MID1: variants seen among roughly 807,000 people sequenced by gnomAD.
MID1 encodes the protein midline 1.
Under a neutral mutation model 40.4 loss-of-function variants are expected in MID1, and 7 were observed. That is an observed-to-expected ratio of 0.17 (90% CI 0.10 to 0.33). The LOEUF is 0.33. Among genes scored for constraint, MID1 ranks in the 10% least tolerant of loss-of-function variants. The pLI is 1.00. For synonymous variants in MID1, 229 were observed against 221.2 expected (o/e 1.04, Z -0.31); for missense variants, 367 against 558.5 (o/e 0.66, Z 3.46).
chrX:10,551,654 C>A (rs920335207), intron 2 of MID1, among the ~76,000 whole-genome samples: 2 of 111,868 alleles, frequency 1.8e-5, no homozygotes, highest in African/African-American at 6.5e-5. Flanking sequence ...TACCTTGTAG[C>A]TTTTCAGAAT....
intron 1 of MID1, among the ~76,000 whole-genome samples, chrX:10,576,135 TTA>T (rs1934865950): frequency 9.0e-6 from 1 of 111,092 alleles, no homozygotes; most frequent in African/African-American, 3.3e-5. Context: ...ATTATTATTA[TTA>T]TTTTTTTACC....
intron 1 of MID1, among the ~76,000 whole-genome samples, chrX:10,826,141 C>T (rs1302821354): frequency 9.0e-6 from 1 of 111,093 alleles, no homozygotes. Context: ...GGCCAACTTT[C>T]ATTGTCCCCT....
At chrX:10,780,488 A>G (rs1268476293) in intron 1 of MID1, among the ~76,000 whole-genome samples, 1 of 112,244 alleles carries the variant, frequency 8.9e-6, no homozygotes, top group Non-Finnish European at 1.9e-5. Context: ...AGGCAGCATC[A>G]GAAAGAAGTA....
At chrX:10,805,550 T>C (rs760993075) in intron 1 of MID1, among the ~76,000 whole-genome samples, 2 of 99,104 alleles carry the variant, frequency 2.0e-5, no homozygotes, top group East Asian at 6.3e-4. Flanking sequence ...TGTGTCTTTA[T>C]AGCAGCATGA....
intron 1 of MID1, among the ~76,000 whole-genome samples, chrX:10,685,999 C>T (rs1035287709): frequency 4.5e-5 from 5 of 110,425 alleles, no homozygotes; most frequent in African/African-American, 1.7e-4. Flanking sequence ...GGTTTCTATC[C>T]AGTGGACCAG....
At chrX:10,523,655 T>G (rs776845682) in intron 2 of MID1, among the ~76,000 whole-genome samples, 23 of 112,307 alleles carry the variant, frequency 2.0e-4, no homozygotes, top group Non-Finnish European at 3.4e-4. Flanking sequence ...TTGCTGACAA[T>G]AAGGTCATTT....
chrX:10,825,297 C>A (rs1377969600), intron 1 of MID1, among the ~76,000 whole-genome samples: 1 of 111,861 alleles, frequency 8.9e-6, no homozygotes, highest in Non-Finnish European at 1.9e-5. Flanking sequence ...CCTCCTCCCC[C>A]TCACCTGCCC....
At chrX:10,611,527 T>C (rs1282898875) in intron 1 of MID1, among the ~76,000 whole-genome samples, 1 of 111,359 alleles carries the variant, frequency 9.0e-6, no homozygotes, top group East Asian at 2.8e-4. Flanking sequence ...TATTCAACTA[T>C]GGCAGTTCTA....
At chrX:10,509,459 G>C (rs1932005241) in intron 3 of MID1, among the ~76,000 whole-genome samples, 1 of 111,407 alleles carries the variant, frequency 9.0e-6, no homozygotes, top group Non-Finnish European at 1.9e-5. Flanking sequence ...GAGAATAAAA[G>C]GAAAGGTACA....
intron 1 of MID1, among the ~76,000 whole-genome samples, chrX:10,708,291 G>A (rs910514222): frequency 2.7e-5 from 3 of 111,625 alleles, no homozygotes; most frequent in Non-Finnish European, 3.8e-5. Flanking sequence ...ATATGGGCTG[G>A]TAGTTCAGAC....
intron 1 of MID1, among the ~76,000 whole-genome samples, chrX:10,666,472 G>C (rs1380031625): frequency 9.2e-6 from 1 of 108,598 alleles, no homozygotes; most frequent in Non-Finnish European, 1.9e-5. Context: ...CACCAAATGA[G>C]TTTTTTGAAA....
At chrX:10,798,766 G>A (rs760620515) in intron 1 of MID1, among the ~76,000 whole-genome samples, 13 of 111,607 alleles carry the variant, frequency 1.2e-4, no homozygotes, top group Non-Finnish European at 2.3e-4. Context: ...AAGCAAGAGC[G>A]TCTGTATTGT....
At chrX:10,664,770 T>C (rs1322302459) in intron 1 of MID1, among the ~76,000 whole-genome samples, 2 of 112,024 alleles carry the variant, frequency 1.8e-5, no homozygotes, top group African/African-American at 6.5e-5. Context: ...CTCCTGGTAG[T>C]TACTAAACTA....
chrX:10,703,288 A>C (rs1466801079), intron 1 of MID1, among the ~76,000 whole-genome samples: 1 of 112,476 alleles, frequency 8.9e-6, no homozygotes, highest in African/African-American at 3.2e-5. Flanking sequence ...AGTTTGCAAA[A>C]TCCACACAAG....
intron 1 of MID1, among the ~76,000 whole-genome samples, chrX:10,679,459 T>C (rs1258039583): frequency 8.9e-6 from 1 of 112,047 alleles, no homozygotes; most frequent in African/African-American, 3.2e-5. Flanking sequence ...GTGGGCAAAC[T>C]ATGGTCTGAG....
intron 1 of MID1, among the ~76,000 whole-genome samples, chrX:10,649,247 C>T (rs1180117060): frequency 1.8e-5 from 2 of 111,932 alleles, no homozygotes; most frequent in Non-Finnish European, 3.8e-5. Flanking sequence ...CATGCCTAAA[C>T]ATCTACTAAA....
chrX:10,612,678 CTT>C (rs2147534287), intron 1 of MID1, among the ~76,000 whole-genome samples: 1 of 112,592 alleles, frequency 8.9e-6, no homozygotes, highest in East Asian at 2.8e-4. Context: ...ATGATGTAGT[CTT>C]TCCTGAGTTG....
chrX:10,756,258 G>A (rs1201262890), intron 1 of MID1, among the ~76,000 whole-genome samples: 3 of 112,125 alleles, frequency 2.7e-5, no homozygotes, highest in African/African-American at 9.7e-5. Context: ...ATTTATGCAA[G>A]TGTTTTCAAA....
intron 1 of MID1, among the ~76,000 whole-genome samples, chrX:10,744,495 T>C (rs2043545951): frequency 9.0e-6 from 1 of 111,183 alleles, no homozygotes; most frequent in African/African-American, 3.3e-5. Context: ...TCTGACCAAG[T>C]GAGCTAACTA....
Sources: allele counts gnomAD v4.1 joint callset (sites outside exome capture counted in the v4.1 genomes callset), GRCh38; gene constraint gnomAD v4.1.1; transcripts MANE v1.5; gene names NCBI Gene and HGNC (gene_info 2026-07-23, HGNC 2026-07-21).